SCAPER: variants seen among roughly 807,000 people sequenced by gnomAD.
SCAPER encodes S-phase cyclin A associated protein in the ER.
Under a neutral mutation model 182.2 loss-of-function variants are expected in SCAPER, and 98 were observed. The ratio of observed to expected loss-of-function variants is 0.54; its 90% CI spans 0.46 to 0.64. The LOEUF (loss-of-function observed/expected upper bound fraction) is 0.64, where lower values mean the gene tolerates loss of function less well. Among genes scored for constraint, SCAPER ranks in the 30% least tolerant of loss-of-function variants. The pLI, the probability that SCAPER is intolerant of heterozygous loss-of-function variation, is 0.00. For synonymous variants in SCAPER, 605 were observed against 564.6 expected (o/e 1.07, Z -1.01); for missense variants, 1,432 against 1,690.0 (o/e 0.85, Z 2.68).
chr15:76,410,618 A>G (rs1040975943), intron 26 of SCAPER, among the ~76,000 whole-genome samples: 18 of 152,170 alleles, frequency 1.2e-4, no homozygotes, highest in Non-Finnish European at 1.5e-5. Context: ...TGTTATTGCT[A>G]TAGTTTGGTC....
At chr15:76,897,789 G>A (rs1353961656) in intron 1 of SCAPER, among the ~76,000 whole-genome samples, 1 of 152,152 alleles carries the variant, frequency 6.6e-6, no homozygotes, top group Non-Finnish European at 1.5e-5. Context: ...TGCATCTTGT[G>A]CACTCCTGTT....
chr15:76,398,307 T>G (rs770077402), intron 27 of SCAPER, among the ~76,000 whole-genome samples: 1 of 152,236 alleles, frequency 6.6e-6, no homozygotes, highest in African/African-American at 2.4e-5. Context: ...GGCAGCATGT[T>G]AAGTGCTTTT....
At chr15:76,724,066 G>A (rs1011790108) in intron 17 of SCAPER, among the ~76,000 whole-genome samples, 1 of 152,134 alleles carries the variant, frequency 6.6e-6, no homozygotes, top group Non-Finnish European at 1.5e-5. Context: ...GGTACCGGTT[G>A]TTCCTTTCCA....
chr15:76,698,774 G>T (rs937068661), intron 20 of SCAPER, among the ~76,000 whole-genome samples: 3 of 152,196 alleles, frequency 2.0e-5, no homozygotes, highest in African/African-American at 7.2e-5. Flanking sequence ...ATGAATTTTA[G>T]AATAGTTTTT....
intron 31 of SCAPER, chr15:76,351,004 A>C (rs2040506371): frequency 5.0e-6 from 2 of 399,590 alleles, no homozygotes; most frequent in Admixed American, 8.6e-5. Context: ...TTATACAAAG[A>C]TATTTGTGCT....
At chr15:76,535,336 A>C (rs1392776541) in intron 23 of SCAPER, among the ~76,000 whole-genome samples, 1 of 151,664 alleles carries the variant, frequency 6.6e-6, no homozygotes, top group African/African-American at 2.4e-5. Context: ...ATCCTGGCTA[A>C]CACGGTGAGA....
chr15:76,775,880 C>T (rs1323163355), intron 8 of SCAPER, among the ~76,000 whole-genome samples: 1 of 152,040 alleles, frequency 6.6e-6, no homozygotes, highest in African/African-American at 2.4e-5. Flanking sequence ...TAAAATATGA[C>T]AATGTTGAGG....
At chr15:76,871,770 T>C (rs1001253381) in intron 2 of SCAPER, among the ~76,000 whole-genome samples, 1 of 151,814 alleles carries the variant, frequency 6.6e-6, no homozygotes, top group East Asian at 1.9e-4. Flanking sequence ...TTTGTACTTT[T>C]AGTAGAGACA....
intron 21 of SCAPER, among the ~76,000 whole-genome samples, chr15:76,651,629 CAAAAAAAA>C (rs552478551): frequency 1.1e-5 from 1 of 94,692 alleles, no homozygotes; most frequent in African/African-American, 3.9e-5. Flanking sequence ...ACCTACCAAC[CAAAAAAAA>C]AAAAAAAAAC....
intron 24 of SCAPER, among the ~76,000 whole-genome samples, chr15:76,480,214 C>G (rs182212922): frequency 3.5e-4 from 53 of 152,350 alleles, no homozygotes; most frequent in African/African-American, 1.3e-3. Flanking sequence ...ATGTAATTTA[C>G]TGAATATCTT....
chr15:76,416,629 G>T (rs1463194877), intron 26 of SCAPER, among the ~76,000 whole-genome samples: 1 of 152,060 alleles, frequency 6.6e-6, no homozygotes. Flanking sequence ...CTGGCAATAT[G>T]GATCAAAATT....
At chr15:76,702,604 T>C (rs555243980) in intron 19 of SCAPER, among the ~76,000 whole-genome samples, 2 of 152,152 alleles carry the variant, frequency 1.3e-5, no homozygotes, top group Admixed American at 6.5e-5. Context: ...TGCACCACCA[T>C]GCCCAGCTAA....
intron 23 of SCAPER, among the ~76,000 whole-genome samples, chr15:76,519,416 G>C (rs367818165): frequency 6.6e-6 from 1 of 152,226 alleles, no homozygotes; most frequent in South Asian, 2.1e-4. Context: ...ATCTGAGAAA[G>C]ATAGGCAGGA....
Position 76,764,849 on chromosome 15 carries a change from G to A in SCAPER, c.1725+112C>T, listed in dbSNP as rs573592773. 692 of 611,176 alleles carry A rather than the reference G, an allele frequency of 1.1e-3. 2 individuals carry two copies. Among genetic ancestry groups the A allele is most frequent in the South Asian group, 2.5e-3 (106 of 42,142 alleles). 37.9% of individuals were successfully genotyped at this position (611,176 alleles called of 1,614,324 possible). A position where few individuals can be genotyped will look rare whatever the true frequency, so the allele number is the denominator to read the frequency against. On this transcript the variant is annotated intron_variant, in intron 14 of 31. Coordinates refer to ENST00000563290, the MANE Select transcript of SCAPER (RefSeq NM_020843.4). The stretch of plus-strand genomic sequence containing the variant: ...TAGATTAAAATGCTTTTATTTCCTA[G>A]CAAATCTAATTATTTTTATGGTTAT...
chr15:76,826,974 C>T (rs1307600177), intron 5 of SCAPER, among the ~76,000 whole-genome samples: 1 of 152,130 alleles, frequency 6.6e-6, no homozygotes, highest in African/African-American at 2.4e-5. Flanking sequence ...ATATTCTGCT[C>T]TATTTTGGTT....
intron 22 of SCAPER, among the ~76,000 whole-genome samples, chr15:76,585,860 A>G (rs62030413): frequency 0.073 from 11,170 of 152,262 alleles, 581 homozygotes; most frequent in Non-Finnish European, 0.11. Flanking sequence ...TCTGAGAGCT[A>G]TATTTTCCTC....
chr15:76,456,183 C>T (rs1357048973), intron 25 of SCAPER, among the ~76,000 whole-genome samples: 1 of 151,908 alleles, frequency 6.6e-6, no homozygotes. Flanking sequence ...GGTTATATAC[C>T]CAGTGATGGA....
At chr15:76,902,819 G>A (rs935237903) in intron 1 of SCAPER, among the ~76,000 whole-genome samples, 2 of 152,198 alleles carry the variant, frequency 1.3e-5, no homozygotes, top group African/African-American at 4.8e-5. Context: ...CACTTTGGGA[G>A]GCCGAGGTGG....
chr15:76,764,323 G>A (rs2062983537), intron 14 of SCAPER, among the ~76,000 whole-genome samples: 1 of 152,234 alleles, frequency 6.6e-6, no homozygotes. Flanking sequence ...TGTAGGCAGT[G>A]GCTGCCAGCA....
Sources: gnomAD v4.1 joint callset for allele counts (sites outside exome capture counted in the v4.1 genomes callset) on GRCh38, gnomAD v4.1.1 for gene constraint, MANE v1.5 for transcripts, NCBI Gene and HGNC (gene_info 2026-07-23, HGNC 2026-07-21) for gene names.